MYOM2: variants seen among roughly 807,000 people sequenced by gnomAD.
MYOM2 encodes the protein myomesin-2.
Under a neutral mutation model 187.6 loss-of-function variants are expected in MYOM2, and 254 were observed. The observed-to-expected ratio is 1.35, with a 90% confidence interval of 1.22 to 1.50. The LOEUF (loss-of-function observed/expected upper bound fraction) is 1.50. Among genes scored for constraint, MYOM2 ranks in the 40% most tolerant of loss-of-function variants. The probability of loss-of-function intolerance (pLI) is 0.00; values close to 1 mark genes in which losing one functional copy is unlikely to be tolerated. For synonymous variants in MYOM2, 981 were observed against 753.8 expected (o/e 1.30, Z -4.94); for missense variants, 2,796 against 1,924.0 (o/e 1.45, Z -8.48).
rs578148526 is a variant in MYOM2 at position 2,122,660 on chromosome 8, G to A, written c.3454-592G>A. On this transcript the variant is annotated intron_variant, in intron 28 of 36. Transcript: ENST00000262113. ...CCATGCTGAATCAGAATTCTTCCTC[G>A]TCCCTCAGACCAATGCCGGAGCATG... Among the ~76,000 whole-genome samples, 7 of 152,246 alleles carry A rather than the reference G, an allele frequency of 4.6e-5. 1 individual carries two copies. In the South Asian group the frequency reaches 1.2e-3, roughly 27 times the overall value.
At chr8:2,113,576 G>T (rs1279975357) in intron 25 of MYOM2, among the ~76,000 whole-genome samples, 1 of 152,168 alleles carries the variant, frequency 6.6e-6, no homozygotes, top group African/African-American at 2.4e-5. Flanking sequence ...TGCAGCCAGG[G>T]ATGGAGGAAG....
At chr8:2,048,258 T>C (rs990400607) in intron 1 of MYOM2, among the ~76,000 whole-genome samples, 2 of 152,212 alleles carry the variant, frequency 1.3e-5, no homozygotes, top group East Asian at 3.9e-4. Context: ...AGAAGAACCT[T>C]GGATAGGAAA....
chr8:2,097,627 G>A (rs1011779389), intron 18 of MYOM2, among the ~76,000 whole-genome samples: 2 of 152,090 alleles, frequency 1.3e-5, no homozygotes, highest in African/African-American at 2.4e-5. Flanking sequence ...CAATTCTCCT[G>A]CCTTAGCCTC....
intron 11 of MYOM2, among the ~76,000 whole-genome samples, chr8:2,077,847 C>A (rs1419250186): frequency 6.6e-6 from 1 of 152,238 alleles, no homozygotes; most frequent in East Asian, 1.9e-4. Context: ...GGGCTTACGA[C>A]TTGCCAGCTG....
intron 6 of MYOM2, among the ~76,000 whole-genome samples, chr8:2,064,816 C>A (rs949705321): frequency 3.9e-5 from 6 of 152,196 alleles, no homozygotes; most frequent in Non-Finnish European, 8.8e-5. Context: ...CACCAGTGAT[C>A]TTATTTCCTA....
intron 28 of MYOM2, chr8:2,119,040 G>A (rs1013191291): frequency 2.0e-5 from 3 of 152,308 alleles, no homozygotes; most frequent in Admixed American, 1.3e-4. Flanking sequence ...TGTACGGGGA[G>A]GGCCAAGTTT....
At chr8:2,115,640 A>G (rs1272256657) in intron 25 of MYOM2, among the ~76,000 whole-genome samples, 4 of 152,156 alleles carry the variant, frequency 2.6e-5, no homozygotes, top group African/African-American at 9.7e-5. Flanking sequence ...TCAATTGCGT[A>G]TCATTTTATT....
chr8:2,121,350 G>C (rs1301946379), intron 28 of MYOM2, among the ~76,000 whole-genome samples: 3 of 152,090 alleles, frequency 2.0e-5, no homozygotes, highest in Non-Finnish European at 4.4e-5. Flanking sequence ...AAGGCCAGTG[G>C]CGAGACCCCC....
intron 13 of MYOM2, 44 bp downstream of exon 13, chr8:2,079,657 T>C: frequency 6.3e-7 from 1 of 1,591,884 alleles, no homozygotes; most frequent in Non-Finnish European, 8.6e-7. Flanking sequence ...CCCTGGGGAT[T>C]TGGAGTTGTA....
chr8:2,048,566 C>T lies in MYOM2; in HGVS notation c.-12-2189C>T, dbSNP rs192560993. Among the ~76,000 whole-genome samples the T allele has an allele frequency of 4.3e-3, 657 of 152,190 alleles. 4 individuals are homozygous for T. Among genetic ancestry groups the T allele is most frequent in the Middle Eastern group, 0.024 (7 of 294 alleles). On this transcript the variant is annotated intron_variant, in intron 1 of 36. Transcript: ENST00000262113. Reference sequence around the variant, plus strand: ...ACAGCAACCGATTTCGGTACCAGGGCCAGGGCCAGGCATGATGCAGATTCA... The same window carrying T: ...ACAGCAACCGATTTCGGTACCAGGGTCAGGGCCAGGCATGATGCAGATTCA...
rs765937082 is a variant in MYOM2 at position 2,079,574 on chromosome 8, G to A, written c.1477G>A (p.Gly493Arg). 2 of 1,614,122 alleles carry A rather than the reference G, an allele frequency of 1.2e-6. No individual in the cohort carries two copies. The highest frequency in any genetic ancestry group is 1.3e-5 in the African/African-American group (1 of 75,016). ...LRRLQAVHLE[G>R]EKEIAIYQDD... is the part of the protein sequence containing the mutation. ...TCTCTCCGCAGCCGTTCATTTGGAG[G>A]GAGAGAAGGAGATTGCCATTTATCA... The change falls in exon 13 of 37, where the codon GGA (glycine) becomes AGA (arginine). Residue 493 changes from glycine (G) to arginine (R), a missense_variant. Transcript: ENST00000262113.
intron 14 of MYOM2, among the ~76,000 whole-genome samples, chr8:2,089,131 T>C (rs1197502076): frequency 6.6e-6 from 1 of 152,238 alleles, no homozygotes; most frequent in African/African-American, 2.4e-5. Context: ...TCAGCAGGCT[T>C]ACCAGGGTCA....
intron 6 of MYOM2, among the ~76,000 whole-genome samples, chr8:2,063,270 G>A (rs2129331369): frequency 6.6e-6 from 1 of 152,356 alleles, no homozygotes; most frequent in South Asian, 2.1e-4. Context: ...GGCAGAATGT[G>A]TTGGCACCCA....
Position 2,100,878 on chromosome 8 carries a change from C to T in MYOM2, c.2443C>T (p.Pro815Ser). 2 of 1,614,098 alleles carry T rather than the reference C, an allele frequency of 1.2e-6. No homozygotes were observed. The highest frequency in any genetic ancestry group is 1.7e-6 in the Non-Finnish European group (2 of 1,180,002). The change falls in exon 20 of 37, where the codon CCT becomes TCT. Residue 815 changes from proline to serine, a missense_variant and splice_region_variant. Pro to Ser is a moderately conservative substitution (Grantham distance 74). Coordinates refer to ENST00000262113, the MANE Select transcript of MYOM2 (RefSeq NM_003970.4). ...CAAGGTGGCATCTGACTTCACAGGTCCTGCCTACGACTTGACGTTCTGTGA... is the reference window on the plus strand; with the variant it reads ...CAAGGTGGCATCTGACTTCACAGGTTCTGCCTACGACTTGACGTTCTGTGA... ...CEAWTMPEPGPAYDLTFCEVR... is the reference protein window; with the variant it reads ...CEAWTMPEPGSAYDLTFCEVR...
intron 14 of MYOM2, among the ~76,000 whole-genome samples, chr8:2,087,738 C>T (rs1316525532): frequency 1.3e-5 from 2 of 152,234 alleles, no homozygotes; most frequent in East Asian, 3.9e-4. Context: ...AGGCCCCTAA[C>T]ACCCAGAGTA....
intron 17 of MYOM2, among the ~76,000 whole-genome samples, chr8:2,095,874 C>T (rs964840340): frequency 8.5e-5 from 13 of 152,126 alleles, no homozygotes; most frequent in African/African-American, 3.1e-4. Context: ...AATAGTTATT[C>T]CTTATGGTTG....
chr8:2,110,135 C>A (rs1797020006), intron 25 of MYOM2, among the ~76,000 whole-genome samples: 1 of 152,158 alleles, frequency 6.6e-6, no homozygotes, highest in African/African-American at 2.4e-5. Context: ...CCAGCCTGGG[C>A]AACATAAGGA....
chr8:2,085,047 C>T (rs955557955), intron 13 of MYOM2: 7 of 581,330 alleles, frequency 1.2e-5, no homozygotes, highest in Middle Eastern at 4.6e-4. Context: ...TATGAACAGG[C>T]TTATATCTGT....
At chr8:2,067,090 G>T (rs1412080626) in intron 6 of MYOM2, among the ~76,000 whole-genome samples, 1 of 152,150 alleles carries the variant, frequency 6.6e-6, no homozygotes, top group Non-Finnish European at 1.5e-5. Context: ...CAGCAGGAGG[G>T]GAAAGAATTC....
Sources: gnomAD v4.1 joint callset for allele counts (sites outside exome capture counted in the v4.1 genomes callset) on GRCh38, gnomAD v4.1.1 for gene constraint, MANE v1.5 for transcripts, NCBI Gene and HGNC (gene_info 2026-07-23, HGNC 2026-07-21) for gene names.